Variants in CTNNA2 observed in about 807,000 individuals in gnomAD.
CTNNA2 encodes the protein catenin alpha-2.
A neutral mutation model predicts 101.0 loss-of-function variants in CTNNA2; 42 were observed. The ratio of observed to expected loss-of-function variants is 0.42; its 90% CI spans 0.32 to 0.54. CTNNA2 has a LOEUF of 0.54. CTNNA2 is among the 20% of genes least tolerant of loss of function. The pLI, the probability that CTNNA2 is intolerant of heterozygous loss-of-function variation, is 0.14. For missense variants in CTNNA2, 871 were observed against 1,223.1 expected (o/e 0.71, Z 4.29); for synonymous variants, 450 against 456.4 (o/e 0.99, Z 0.18).
chr2:80,114,504 T>C (rs1356455409), intron 7 of CTNNA2, among the ~76,000 whole-genome samples: 2 of 152,194 alleles, frequency 1.3e-5, no homozygotes, highest in Admixed American at 6.5e-5. Flanking sequence ...CCACTGGCCA[T>C]ATCCTCTGCT....
intron 4 of CTNNA2, among the ~76,000 whole-genome samples, chr2:79,472,208 G>T (rs1671007482): frequency 6.6e-6 from 1 of 152,194 alleles, no homozygotes; most frequent in Admixed American, 6.5e-5. Flanking sequence ...TAAATCTCAA[G>T]TAAGTCCACA....
At chr2:79,926,995 G>T (rs182401268) in intron 7 of CTNNA2, among the ~76,000 whole-genome samples, 1 of 152,224 alleles carries the variant, frequency 6.6e-6, no homozygotes, top group Admixed American at 6.5e-5. Flanking sequence ...TATTTGAAAG[G>T]TGTACAGCAA....
chr2:80,139,445 C>A (rs1702876909), intron 7 of CTNNA2, among the ~76,000 whole-genome samples: 1 of 152,034 alleles, frequency 6.6e-6, no homozygotes. Flanking sequence ...ATACTCCTTT[C>A]CATTTCTGTA....
chr2:80,474,427 C>G (rs927263697), intron 9 of CTNNA2, among the ~76,000 whole-genome samples: 1 of 152,040 alleles, frequency 6.6e-6, no homozygotes, highest in Admixed American at 6.6e-5. Context: ...GATCCACCCC[C>G]ACCATATCCC....
intron 3 of CTNNA2, among the ~76,000 whole-genome samples, chr2:79,800,938 T>A (rs950064246): frequency 2.6e-5 from 4 of 152,190 alleles, no homozygotes; most frequent in African/African-American, 9.7e-5. Flanking sequence ...CTGAAGACTT[T>A]GAAAAATATT....
At chr2:80,278,620 TGAAA>T (rs1281699702) in intron 7 of CTNNA2, among the ~76,000 whole-genome samples, 1 of 151,958 alleles carries the variant, frequency 6.6e-6, no homozygotes, top group East Asian at 1.9e-4. Context: ...ATCCTATTGG[TGAAA>T]GAAAGTCTAG....
At chr2:80,527,530 A>G (rs1296636612) in intron 9 of CTNNA2, among the ~76,000 whole-genome samples, 1 of 152,186 alleles carries the variant, frequency 6.6e-6, no homozygotes, top group Non-Finnish European at 1.5e-5. Flanking sequence ...GCTTTATCTT[A>G]AGTGGCAGCT....
At chr2:79,882,670 C>A (rs1162645961) in intron 6 of CTNNA2, among the ~76,000 whole-genome samples, 1 of 152,226 alleles carries the variant, frequency 6.6e-6, no homozygotes, top group African/African-American at 2.4e-5. Context: ...CTGGCTGCTG[C>A]CCCTCCGCCA....
At chr2:80,207,749 C>T (rs1190508510) in intron 7 of CTNNA2, among the ~76,000 whole-genome samples, 1 of 152,056 alleles carries the variant, frequency 6.6e-6, no homozygotes, top group African/African-American at 2.4e-5. Flanking sequence ...ATCTGGAGTG[C>T]AGCAGCACAC....
At chr2:79,832,795 C>T (rs1679022610) in intron 3 of CTNNA2, among the ~76,000 whole-genome samples, 1 of 152,178 alleles carries the variant, frequency 6.6e-6, no homozygotes, top group Non-Finnish European at 1.5e-5. Context: ...TTGCACAAGG[C>T]TTCGCAGTGG....
intron 12 of CTNNA2, among the ~76,000 whole-genome samples, chr2:80,558,529 T>C (rs924093686): frequency 1.3e-5 from 2 of 152,020 alleles, no homozygotes; most frequent in Non-Finnish European, 1.5e-5. Flanking sequence ...CTAATGTCAT[T>C]GTATGTCTGT....
chr2:80,097,140 G>A (rs1700205310), intron 7 of CTNNA2, among the ~76,000 whole-genome samples: 1 of 152,170 alleles, frequency 6.6e-6, no homozygotes, highest in Admixed American at 6.5e-5. Flanking sequence ...TGAAGTGGCT[G>A]GTACCGGTTG....
intron 1 of CTNNA2, among the ~76,000 whole-genome samples, chr2:79,568,883 A>G (rs1345116898): frequency 8.6e-6 from 1 of 116,150 alleles, no homozygotes; most frequent in Non-Finnish European, 1.9e-5. Flanking sequence ...AAAAAAAAAA[A>G]AAAAGCCAGG....
At chr2:80,122,828 CAT>C (rs1424200145) in intron 7 of CTNNA2, among the ~76,000 whole-genome samples, 11 of 152,110 alleles carry the variant, frequency 7.2e-5, no homozygotes, top group African/African-American at 2.7e-4. Flanking sequence ...AGAGTGAAGA[CAT>C]ATGCTGTGAG....
intron 2 of CTNNA2, among the ~76,000 whole-genome samples, chr2:79,665,165 T>C (rs1159452106): frequency 6.6e-6 from 1 of 152,176 alleles, no homozygotes; most frequent in African/African-American, 2.4e-5. Context: ...AATTTTCTCC[T>C]ATTTCATTTC....
intron 3 of CTNNA2, among the ~76,000 whole-genome samples, chr2:79,333,053 C>A (rs1420301365): frequency 1.3e-5 from 2 of 152,128 alleles, no homozygotes; most frequent in Non-Finnish European, 2.9e-5. Context: ...GAATAACTAT[C>A]AGAATTTTGA....
intron 7 of CTNNA2, among the ~76,000 whole-genome samples, chr2:79,988,900 G>A (rs1490885800): frequency 6.6e-6 from 1 of 152,196 alleles, no homozygotes; most frequent in Non-Finnish European, 1.5e-5. Flanking sequence ...AAAGTCTACT[G>A]TAATTTGTAT....
chr2:80,576,644 C>T (rs1695073073), intron 13 of CTNNA2, among the ~76,000 whole-genome samples: 1 of 151,886 alleles, frequency 6.6e-6, no homozygotes, highest in South Asian at 2.1e-4. Context: ...CTGATCAATA[C>T]TTAACCTTGT....
At chr2:80,626,528 A>G (rs549309429) in intron 18 of CTNNA2, among the ~76,000 whole-genome samples, 9 of 152,224 alleles carry the variant, frequency 5.9e-5, no homozygotes, top group Admixed American at 3.3e-4. Context: ...AGAGACTGGT[A>G]AACACAATGT....
Sources: gnomAD v4.1 joint callset for allele counts (sites outside exome capture counted in the v4.1 genomes callset) on GRCh38, gnomAD v4.1.1 for gene constraint, MANE v1.5 for transcripts, NCBI Gene and HGNC (gene_info 2026-07-23, HGNC 2026-07-21) for gene names.